The following FAM193A variants were observed in gnomAD, a reference collection of about 807,000 sequenced individuals.
FAM193A encodes the protein protein FAM193A.
In FAM193A, 22 loss-of-function variants were observed where a neutral mutation model predicts 126.5. The ratio of observed to expected loss-of-function variants is 0.17; its 90% CI spans 0.12 to 0.25. The LOEUF is 0.25. Ranked by LOEUF, FAM193A falls within the 10% of genes least tolerant of loss-of-function variation. The pLI, the probability that FAM193A is intolerant of heterozygous loss-of-function variation, is 1.00. For synonymous variants in FAM193A, 761 were observed against 646.8 expected, an observed-to-expected ratio of 1.18 and a Z score of -2.68; for missense variants, 1,675 against 1,672.8, an observed-to-expected ratio of 1.00 and a Z score of -0.02.
intron 2 of FAM193A, among the ~76,000 whole-genome samples, chr4:2,601,227 C>CTTTTTTTTTTTTTTTTTTTTTTT (rs1201989388): frequency 9.0e-6 from 1 of 110,668 alleles, no homozygotes; most frequent in African/African-American, 3.4e-5. Flanking sequence ...TCTTCTTCTT[C>CTTTTTTTTTTTTTTTTTTTTTTT]TTTTTTTTTT....
At chr4:2,660,652 G>A (rs1251318857) in intron 10 of FAM193A, among the ~76,000 whole-genome samples, 3 of 152,200 alleles carry the variant, frequency 2.0e-5, no homozygotes, top group African/African-American at 4.8e-5. Context: ...TTTAGTTTAC[G>A]TGTATCGTAG....
chr4:2,601,443 C>T (rs1741192696), intron 2 of FAM193A, among the ~76,000 whole-genome samples: 1 of 151,942 alleles, frequency 6.6e-6, no homozygotes, highest in South Asian at 2.1e-4. Flanking sequence ...CCATGTTGGC[C>T]AGGCTGTTCT....
intron 5 of FAM193A, among the ~76,000 whole-genome samples, chr4:2,633,959 G>A (rs940497479): frequency 6.6e-6 from 1 of 152,186 alleles, no homozygotes; most frequent in Admixed American, 6.6e-5. Context: ...AGTCGTAGTG[G>A]TGAAAAACCA....
At chr4:2,674,812 A>G (rs1714214349) in intron 13 of FAM193A, among the ~76,000 whole-genome samples, 1 of 150,926 alleles carries the variant, frequency 6.6e-6, no homozygotes, top group Admixed American at 6.6e-5. Context: ...CCAGAGCAAC[A>G]TAGTAAAACC....
upstream of FAM193A, among the ~76,000 whole-genome samples, chr4:2,535,411 A>G (rs1241185366): frequency 6.6e-6 from 1 of 152,188 alleles, no homozygotes; most frequent in African/African-American, 2.4e-5. Context: ...GAGCTCGGTT[A>G]ACGCTGCAAG....
chr4:2,540,033 GCT>G (rs1199802858), intron 1 of FAM193A, among the ~76,000 whole-genome samples: 1 of 151,692 alleles, frequency 6.6e-6, no homozygotes, highest in East Asian at 2.0e-4. Flanking sequence ...CAGGAGAATT[GCT>G]TGAACCTGGG....
At chr4:2,663,324 T>C in intron 12 of FAM193A, 36 bp downstream of exon 12, 1 of 1,495,636 alleles carries the variant, frequency 6.7e-7, no homozygotes. Context: ...AAGGATCTCT[T>C]TTTCTGTGTG....
At chr4:2,609,421 GTCTTAAGTT>G (rs912168906) in intron 2 of FAM193A, among the ~76,000 whole-genome samples, 2 of 152,104 alleles carry the variant, frequency 1.3e-5, no homozygotes, top group Non-Finnish European at 2.9e-5. Flanking sequence ...TCGGCAAGTA[GTCTTAAGTT>G]TCTATCTATT....
chr4:2,660,806 C>T (rs896546431), intron 10 of FAM193A, among the ~76,000 whole-genome samples: 1 of 152,166 alleles, frequency 6.6e-6, no homozygotes, highest in African/African-American at 2.4e-5. Flanking sequence ...TGGTGACTGA[C>T]GTTTTCCTTC....
intron 12 of FAM193A, among the ~76,000 whole-genome samples, 156 bp from the exon 13 acceptor site, chr4:2,671,965 T>C: frequency 6.6e-6 from 1 of 152,244 alleles, no homozygotes; most frequent in Non-Finnish European, 1.5e-5. Flanking sequence ...GGTCCCTCGT[T>C]TTCCTTGCAT....
intron 1 of FAM193A, among the ~76,000 whole-genome samples, chr4:2,574,637 C>T (rs185347017): frequency 9.2e-5 from 14 of 152,242 alleles, no homozygotes; most frequent in East Asian, 3.9e-4. Context: ...GAAGCAAAAC[C>T]GTGCTTTCCA....
chr4:2,622,521 G>A (rs1365785690), intron 2 of FAM193A, among the ~76,000 whole-genome samples: 1 of 152,172 alleles, frequency 6.6e-6, no homozygotes, highest in Non-Finnish European at 1.5e-5. Context: ...TGGCCCAGTG[G>A]TTGCTGGCTC....
At chr4:2,632,982 G>A (rs997126105) in intron 5 of FAM193A, among the ~76,000 whole-genome samples, 25 of 152,356 alleles carry the variant, frequency 1.6e-4, no homozygotes, top group African/African-American at 6.0e-4. Flanking sequence ...TCCAGAAAAT[G>A]CTGGCGAGGT....
intron 15 of FAM193A, among the ~76,000 whole-genome samples, chr4:2,693,251 C>T (rs1219610088): frequency 1.3e-5 from 2 of 151,998 alleles, no homozygotes; most frequent in African/African-American, 4.8e-5. Flanking sequence ...ATCTCCTGAC[C>T]TCATGATCCA....
intron 16 of FAM193A, 58 bp from the exon 17 acceptor site, chr4:2,694,888 G>C (rs949798470): frequency 6.9e-7 from 1 of 1,449,950 alleles, no homozygotes; most frequent in Admixed American, 2.3e-5. Flanking sequence ...GTGCAACAAT[G>C]TGAGTCATTG....
Position 2,699,533 on chromosome 4 carries a change from G to A in FAM193A, c.3508-147G>A. 3 of 677,212 alleles carry A rather than the reference G, an allele frequency of 4.4e-6. No homozygotes were observed. The South Asian group carries it at 6.2e-5, about 14-fold the overall frequency. The allele number at this position is 677,212 out of a possible 1,614,324, so 42.0% of individuals were successfully genotyped here. The stretch of plus-strand genomic sequence containing the variant: ...CTGCAGAGTAAGAGAATTGGAGGTG[G>A]GTGTGTGTTAAGTTTTGATTTATTA... On this transcript the variant is annotated intron_variant, in intron 18 of 20. Transcript: ENST00000637812.
chr4:2,557,999 G>A (rs559834606), intron 1 of FAM193A, among the ~76,000 whole-genome samples: 5 of 151,752 alleles, frequency 3.3e-5, no homozygotes, highest in South Asian at 4.2e-4. Context: ...AAGGCTGGGC[G>A]CTATGGCTCA....
intron 8 of FAM193A, 41 bp downstream of exon 8, chr4:2,657,921 A>G (rs1453089762): frequency 1.6e-5 from 22 of 1,386,732 alleles, no homozygotes; most frequent in Non-Finnish European, 2.1e-5. Flanking sequence ...GGAAGTAGAA[A>G]TCTGTCCTGA....
Position 2,565,254 on chromosome 4 carries a change from C to CTTTTT in FAM193A, c.255+28102_255+28106dup, listed in dbSNP as rs71644338. On this transcript the variant is annotated intron_variant, in intron 1 of 20. Coordinates refer to ENST00000637812, the MANE Select transcript of FAM193A (RefSeq NM_001366318.2). Reference sequence around the variant, plus strand: ...TGGATATACACAATGATAGAGTAGCCTTTTTTTTTTTTTTTTTTTTTTAAA... The same window carrying CTTTTT: ...TGGATATACACAATGATAGAGTAGCCTTTTTTTTTTTTTTTTTTTTTTTTTTTAAA... Among the ~76,000 whole-genome samples, 66 of 50,686 alleles carry CTTTTT rather than the reference C, an allele frequency of 1.3e-3. 14 individuals carry two copies. The highest frequency in any genetic ancestry group is 4.0e-3 in the South Asian group (3 of 754). The allele number at this position is 50,686 out of a possible 152,430, so 33.3% of individuals were successfully genotyped here.
Sources: gnomAD v4.1 joint callset for allele counts (sites outside exome capture counted in the v4.1 genomes callset) on GRCh38, gnomAD v4.1.1 for gene constraint, MANE v1.5 for transcripts, NCBI Gene and HGNC (gene_info 2026-07-23, HGNC 2026-07-21) for gene names.